The following EVC variants were observed in gnomAD, a reference collection of about 807,000 sequenced individuals.
EVC encodes evC complex member EVC.
In EVC, 116 loss-of-function variants were observed where a neutral mutation model predicts 118.9. The ratio of observed to expected loss-of-function variants is 0.98; its 90% CI spans 0.84 to 1.14. The LOEUF (loss-of-function observed/expected upper bound fraction) is 1.14. Among genes scored for constraint, EVC ranks in the 50% most tolerant of loss-of-function variants. The probability of loss-of-function intolerance (pLI) is 0.00; values close to 1 mark genes in which losing one functional copy is unlikely to be tolerated. For missense variants in EVC, 1,401 were observed against 1,246.4 expected (o/e 1.12, Z -1.87); for synonymous variants, 619 against 534.7 (o/e 1.16, Z -2.18).
Position 5,731,955 on chromosome 4 carries a change from T to G in EVC, c.617+298T>G, listed in dbSNP as rs1271107350. On this transcript the variant is annotated intron_variant, in intron 4 of 20. Coordinates refer to ENST00000264956, the MANE Select transcript of EVC (RefSeq NM_153717.3). This position sits in a 1 kb window ranked among gnomAD's most constrained non-coding sequence, Gnocchi z 5.6. ...GCGAAGTTGATTAAGTGGGTACTTCTGAGTACCGGGCAGAGTGCTAAGCAC... is the reference window on the plus strand; with the variant it reads ...GCGAAGTTGATTAAGTGGGTACTTCGGAGTACCGGGCAGAGTGCTAAGCAC... 2.1e-5 allele frequency among the ~76,000 whole-genome samples: 3 copies of G among 142,906 alleles called. No individual in the cohort carries two copies. The highest frequency in any genetic ancestry group is 2.0e-4 in the Admixed American group (3 of 14,654). The allele number at this position is 142,906 out of a possible 152,430, so 93.8% of individuals were successfully genotyped here.
chr4:5,733,003 C>T (rs926975379), intron 4 of EVC, among the ~76,000 whole-genome samples: 1 of 152,172 alleles, frequency 6.6e-6, no homozygotes, highest in African/African-American at 2.4e-5. Flanking sequence ...GAGCAAAACC[C>T]TATTTCTAAA....
At chr4:5,776,594 C>T (rs967217833) in intron 11 of EVC, among the ~76,000 whole-genome samples, 17 of 152,128 alleles carry the variant, frequency 1.1e-4, no homozygotes, top group African/African-American at 3.6e-4. Context: ...ACTGCTTCTA[C>T]CCAGACTTGC....
rs4642178 is a variant in EVC, at chr4:5,756,217, A to C, written c.1465-47A>C. On this transcript the variant is annotated intron_variant, in intron 10 of 20. Transcript: ENST00000264956. The surrounding 1 kb of genome is among the most constrained non-coding windows in gnomAD (Gnocchi z 4.2). ...GGAGAACCTTCTGGAAAAAAAAAAAAAAACCCTGCATGTTTCTACCAGACT... is the reference window on the plus strand; with the variant it reads ...GGAGAACCTTCTGGAAAAAAAAAAACAAACCCTGCATGTTTCTACCAGACT... 0.21 allele frequency: 305,961 copies of C among 1,469,970 alleles called. 33,393 individuals carry two copies. The highest frequency in any genetic ancestry group is 0.28 in the Admixed American group (14,498 of 51,936). The allele number at this position is 1,469,970 out of a possible 1,614,324, so 91.1% of individuals were successfully genotyped here. A position where few individuals can be genotyped will look rare whatever the true frequency, so the allele number is the denominator to read the frequency against.
intron 8 of EVC, 69 bp downstream of exon 8, chr4:5,748,375 A>C: frequency 1.3e-6 from 2 of 1,555,028 alleles, no homozygotes; most frequent in Non-Finnish European, 1.8e-6. Flanking sequence ...CTGAGGCTTG[A>C]CATCCTTAAA....
the EVC span, chr4:5,825,545 G>T: frequency 1.9e-6 from 3 of 1,594,958 alleles, no homozygotes; most frequent in Non-Finnish European, 2.6e-6. The surrounding 1 kb of genome is among the most constrained non-coding windows in gnomAD (Gnocchi z 4.4). Context: ...GGGGGCTGGT[G>T]TTTAGAAGGC....
intron 11 of EVC, among the ~76,000 whole-genome samples, chr4:5,769,232 A>T (rs1733548093): frequency 6.6e-6 from 1 of 152,164 alleles, no homozygotes; most frequent in Non-Finnish European, 1.5e-5. Flanking sequence ...CAGGCAAGAG[A>T]GAGCATGTGC....
intron 17 of EVC, 69 bp from the exon 18 acceptor site, chr4:5,808,132 T>TACCAACCCAACCAAA: frequency 2.2e-6 from 1 of 464,752 alleles, no homozygotes; most frequent in Non-Finnish European, 4.1e-6. Context: ...GCCTTCCTTC[T>TACCAACCCAACCAAA]CCCTCCCTCC....
chr4:5,828,743 C>T, the EVC span: 1 of 1,523,918 alleles, frequency 6.6e-7, no homozygotes, highest in Non-Finnish European at 8.9e-7. Context: ...AGCGATTTTG[C>T]CTAACATTAT....
intron 12 of EVC, among the ~76,000 whole-genome samples, chr4:5,784,891 AG>A (rs1371683277): frequency 6.6e-6 from 1 of 152,194 alleles, no homozygotes; most frequent in Non-Finnish European, 1.5e-5. Context: ...TACAGGCATG[AG>A]CCACTGTGCC....
chr4:5,822,056 AC>A, the EVC span, among the ~76,000 whole-genome samples: 6,917 of 152,038 alleles, frequency 0.045, 176 homozygotes, highest in African/African-American at 0.076. Context: ...GGCTCCCCCC[AC>A]CTTCAGCCCT....
At chr4:5,784,643 C>T (rs1256397335) in intron 12 of EVC, among the ~76,000 whole-genome samples, 1 of 133,366 alleles carries the variant, frequency 7.5e-6, no homozygotes, top group African/African-American at 2.8e-5. Flanking sequence ...TGGAATCTTG[C>T]TCTGTCCAGG....
intron 11 of EVC, among the ~76,000 whole-genome samples, chr4:5,768,315 A>C (rs1371582224): frequency 6.6e-6 from 1 of 152,136 alleles, no homozygotes; most frequent in Non-Finnish European, 1.5e-5. Flanking sequence ...CCATGAGGAA[A>C]ACAGACTGTA....
chr4:5,793,242 C>G (rs1713132677), intron 12 of EVC, among the ~76,000 whole-genome samples: 1 of 151,920 alleles, frequency 6.6e-6, no homozygotes, highest in Non-Finnish European at 1.5e-5. Context: ...GTTAATTATA[C>G]AAGACAAAGT....
chr4:5,823,687 G>C, the EVC span, among the ~76,000 whole-genome samples: 1 of 152,180 alleles, frequency 6.6e-6, no homozygotes, highest in Non-Finnish European at 1.5e-5. Context: ...CTCTGCACAC[G>C]CTAGCTCTCC....
intron 11 of EVC, among the ~76,000 whole-genome samples, chr4:5,758,695 G>A (rs1731554529): frequency 6.6e-6 from 1 of 152,100 alleles, no homozygotes; most frequent in Non-Finnish European, 1.5e-5. Context: ...CATGTATCTT[G>A]CCCAGGTTTT....
intron 12 of EVC, among the ~76,000 whole-genome samples, chr4:5,786,595 C>T (rs902036624): frequency 2.6e-5 from 4 of 152,084 alleles, no homozygotes; most frequent in East Asian, 3.8e-4. Context: ...ACATGATAGC[C>T]GGGTGCGGTG....
At position 5,797,038 on chromosome 4, in the gene EVC, C is replaced by A; in HGVS notation, c.1903C>A (p.Leu635Met). 6.2e-7 allele frequency: 1 copy of A among 1,613,168 alleles called. No homozygotes were observed. Among genetic ancestry groups the A allele is most frequent in the Non-Finnish European group, 8.5e-7 (1 of 1,179,850 alleles). ...GLTEESTRCV[L>M]QGHDLLLRSA... ...TCCTCAAAGGTCCACGCGGTGTGTC[C>A]TGCAGGGGCATGACCTGCTGTTGCG... The change falls in exon 14 of 21, where the codon CTG becomes ATG. Residue 635 changes from leucine to methionine, a missense_variant. Physicochemically the swap from Leu to Met is conservative, Grantham distance 15 (BLOSUM62 2). Transcript: ENST00000264956.
At chr4:5,828,411 C>A in the EVC span, 1 of 1,546,852 alleles carries the variant, frequency 6.5e-7, no homozygotes, top group South Asian at 1.3e-5. Flanking sequence ...ACTCTGCACA[C>A]GTCAGATCTC....
At chr4:5,741,599 GAAGAA>G (rs1728585039) in intron 5 of EVC, 112 bp from the exon 6 acceptor site, 6 of 645,054 alleles carry the variant, frequency 9.3e-6, no homozygotes, top group Non-Finnish European at 1.7e-5. Context: ...GGGTGAAAGA[GAAGAA>G]AAGAAGGAGA....
Sources: allele counts gnomAD v4.1 joint callset (sites outside exome capture counted in the v4.1 genomes callset), GRCh38; gene constraint gnomAD v4.1.1; non-coding constraint Gnocchi (gnomAD v3.1); transcripts MANE v1.5; gene names NCBI Gene and HGNC (gene_info 2026-07-23, HGNC 2026-07-21).